Variants in SEC11C observed in about 807,000 individuals in gnomAD.
SEC11C encodes signal peptidase complex catalytic subunit SEC11C.
SEC11C carries 10 observed loss-of-function variants against 21.9 expected under a neutral mutation model. The ratio of observed to expected loss-of-function variants is 0.46; its 90% confidence interval spans 0.28 to 0.77. The LOEUF is 0.77. Ranked by LOEUF, SEC11C falls within the 30% of genes least tolerant of loss-of-function variation. The pLI is 0.12. For synonymous variants in SEC11C, 83 were observed against 85.6 expected, an observed-to-expected ratio of 0.97 and a Z score of 0.17; for missense variants, 145 against 244.5, an observed-to-expected ratio of 0.59 and a Z score of 2.71.
At position 59,157,705 on chromosome 18, in the gene SEC11C, A is replaced by C. The variant is rs146519457; in HGVS notation, c.525+40A>C. The C allele has an allele frequency of 1.1e-3, 1,506 of 1,391,142 alleles. 7 individuals carry two copies. Among genetic ancestry groups the C allele is most frequent in the Middle Eastern group, 5.9e-3 (31 of 5,246 alleles). 86.2% of individuals were successfully genotyped at this position (1,391,142 alleles called of 1,614,324 possible). On this transcript the variant is annotated intron_variant, in intron 5 of 5. Coordinates refer to ENST00000587834, the MANE Select transcript of SEC11C (RefSeq NM_033280.4). ...GTGTCTATATTTATTTACTTCGTTA[A>C]ATATTGGAGCTTTTACTTCTGCAAC...
chr18:59,152,806 A>C (rs990699204), intron 3 of SEC11C, 121 bp downstream of exon 3: 1 of 795,014 alleles, frequency 1.3e-6, no homozygotes, highest in Non-Finnish European at 1.9e-6. Flanking sequence ...TCACTGGGTG[A>C]CTTTGGACCA....
intron 3 of SEC11C, 108 bp from the exon 4 acceptor site, chr18:59,155,580 T>A (rs1603378225): frequency 8.2e-7 from 1 of 1,214,332 alleles, no homozygotes; most frequent in East Asian, 2.4e-5. Flanking sequence ...TCTTTGACTG[T>A]TTTTCTAAAT....
intron 1 of SEC11C, among the ~76,000 whole-genome samples, chr18:59,146,046 T>C (rs568852347): frequency 1.4e-4 from 22 of 152,334 alleles, no homozygotes; most frequent in African/African-American, 5.3e-4. Flanking sequence ...AAGTGGCGCA[T>C]GACCGCCCAG....
At chr18:59,149,687 G>T in intron 2 of SEC11C, 65 bp downstream of exon 2, 1 of 980,016 alleles carries the variant, frequency 1.0e-6, no homozygotes, top group African/African-American at 1.6e-5. Context: ...GGCCTGAGGA[G>T]CGGGGCAGCC....
At chr18:59,142,139 A>G (rs1603376172) in intron 1 of SEC11C, among the ~76,000 whole-genome samples, 1 of 152,126 alleles carries the variant, frequency 6.6e-6, no homozygotes, top group Non-Finnish European at 1.5e-5. Flanking sequence ...TATGCCTAGA[A>G]TCTGATTCGT....
chr18:59,141,147 C>T (rs1286108663), intron 1 of SEC11C, among the ~76,000 whole-genome samples: 5 of 151,754 alleles, frequency 3.3e-5, no homozygotes, highest in Admixed American at 2.0e-4. Context: ...GTGTTTTTCC[C>T]CTCTCACTCT....
intron 1 of SEC11C, among the ~76,000 whole-genome samples, chr18:59,141,651 A>T (rs184384414): frequency 6.9e-4 from 104 of 150,572 alleles, no homozygotes; most frequent in African/African-American, 2.4e-3. Flanking sequence ...GGTACTTTTT[A>T]AAAAAGCTTT....
chr18:59,157,416 C>CT lies in SEC11C; in HGVS notation c.468-191dup, dbSNP rs1223144052. On this transcript the variant is annotated intron_variant, in intron 4 of 5. Coordinates refer to ENST00000587834, the MANE Select transcript of SEC11C (RefSeq NM_033280.4). ...CAAGTGCCTACTTAGAAAACTTGTC[C>CT]TGGCTGCCAGTGCTGATGCTCCTTA... 7.4e-5 allele frequency: 35 copies of CT among 475,708 alleles called. No individual in the cohort carries two copies. In the South Asian group the frequency reaches 7.5e-4, roughly 10 times the overall value. 29.5% of individuals were successfully genotyped at this position (475,708 alleles called of 1,614,324 possible).
Position 59,158,743 on chromosome 18 carries a change from C to A in SEC11C, c.*58C>A, listed in dbSNP as rs2069448052. The A allele has an allele frequency of 5.0e-6, 7 of 1,391,616 alleles. No homozygotes were observed. The highest frequency in any genetic ancestry group is 6.1e-6 in the Non-Finnish European group (6 of 978,694). 86.2% of individuals were successfully genotyped at this position (1,391,616 alleles called of 1,614,324 possible). A position where few individuals can be genotyped will look rare whatever the true frequency, so the allele number is the denominator to read the frequency against. Reference sequence around the variant, plus strand: ...TGAATTCTGTTGAAAAAGAGAAAAACTAATATATTTGAGATGTTCCATTTT... The same window carrying A: ...TGAATTCTGTTGAAAAAGAGAAAAAATAATATATTTGAGATGTTCCATTTT... On this transcript the variant is annotated 3_prime_UTR_variant, in exon 6 of 6. Transcript: ENST00000587834.
intron 1 of SEC11C, among the ~76,000 whole-genome samples, chr18:59,141,658 C>CT (rs1433768814): frequency 6.8e-6 from 1 of 146,240 alleles, no homozygotes; most frequent in Non-Finnish European, 1.5e-5. Context: ...TTTAAAAAAG[C>CT]TTTGTCTTTT....
chr18:59,140,565 TG>T (rs1160121831), intron 1 of SEC11C, among the ~76,000 whole-genome samples: 1 of 152,222 alleles, frequency 6.6e-6, no homozygotes, highest in Non-Finnish European at 1.5e-5. Context: ...GACTAAATAA[TG>T]CTCCTTGTGC....
At chr18:59,144,813 A>G (rs560003435) in intron 1 of SEC11C, among the ~76,000 whole-genome samples, 25 of 151,446 alleles carry the variant, frequency 1.7e-4, no homozygotes, top group African/African-American at 6.0e-4. Context: ...TATTGGTTTG[A>G]ACATTTTTTA....
intron 1 of SEC11C, among the ~76,000 whole-genome samples, chr18:59,146,024 G>A (rs1268979737): frequency 1.3e-5 from 2 of 152,198 alleles, no homozygotes; most frequent in Non-Finnish European, 2.9e-5. Context: ...TTTTCAGAAT[G>A]TGTCTGTCAT....
chr18:59,157,466 C>T, intron 4 of SEC11C, 142 bp from the exon 5 acceptor site: 1 of 675,440 alleles, frequency 1.5e-6, no homozygotes, highest in Non-Finnish European at 2.6e-6. Context: ...TGAGACAGGG[C>T]TGAATACATC....
At chr18:59,142,859 C>T (rs76108624) in intron 1 of SEC11C, among the ~76,000 whole-genome samples, 2,565 of 152,226 alleles carry the variant, frequency 0.017, 42 homozygotes, top group Non-Finnish European at 0.027. Context: ...TACACTGCTC[C>T]GGTGACAGCT....
chr18:59,143,836 T>C (rs1288582861), intron 1 of SEC11C, among the ~76,000 whole-genome samples: 1 of 145,042 alleles, frequency 6.9e-6, no homozygotes, highest in Non-Finnish European at 1.5e-5. Context: ...TTTTAAATAG[T>C]GGAGTAATCT....
At chr18:59,149,730 A>T (rs886178285) in intron 2 of SEC11C, 108 bp downstream of exon 2, 4 of 574,496 alleles carry the variant, frequency 7.0e-6, no homozygotes, top group Non-Finnish European at 1.3e-5. Context: ...GCTAAAATTC[A>T]AGATTTTAAT....
rs2069442637 is a variant in SEC11C at position 59,158,345 on chromosome 18, T to A, written c.526-287T>A. ...TGCTGGGATTACAGGCGTGTATCCATATTTTTTAAAAAAATCACTTGACAA... is the reference window on the plus strand; with the variant it reads ...TGCTGGGATTACAGGCGTGTATCCAAATTTTTTAAAAAAATCACTTGACAA... On this transcript the variant is annotated intron_variant, in intron 5 of 5. Transcript: ENST00000587834. Among the ~76,000 whole-genome samples, 3 of 151,644 alleles carry A rather than the reference T, an allele frequency of 2.0e-5. 1 individual carries two copies. Among genetic ancestry groups the A allele is most frequent in the South Asian group, 4.2e-4 (2 of 4,784 alleles).
At chr18:59,151,281 G>C in intron 2 of SEC11C, among the ~76,000 whole-genome samples, 1 of 151,122 alleles carries the variant, frequency 6.6e-6, no homozygotes, top group South Asian at 2.1e-4. Context: ...GAAGGAGTAA[G>C]GATGAAGCCA....
Sources: allele counts gnomAD v4.1 joint callset (sites outside exome capture counted in the v4.1 genomes callset), GRCh38; gene constraint gnomAD v4.1.1; transcripts MANE v1.5; gene names NCBI Gene and HGNC (gene_info 2026-07-23, HGNC 2026-07-21).